Variants in CHL1 observed in about 807,000 individuals in gnomAD.
CHL1 encodes cell adhesion molecule L1 like.
CHL1 carries 96 observed loss-of-function variants against 141.9 expected under a neutral mutation model. That is an observed-to-expected ratio of 0.68 (90% confidence interval 0.57 to 0.80). The LOEUF is 0.80. Among genes scored for constraint, CHL1 ranks in the 30% least tolerant of loss-of-function variants. The pLI is 0.00. For missense variants in CHL1, 1,820 were observed against 1,457.2 expected, an observed-to-expected ratio of 1.25 and a Z score of -4.05; for synonymous variants, 613 against 502.2, an observed-to-expected ratio of 1.22 and a Z score of -2.95.
chr3:256,804 A>T (rs1694220197), intron 2 of CHL1, among the ~76,000 whole-genome samples: 1 of 152,170 alleles, frequency 6.6e-6, no homozygotes, highest in Non-Finnish European at 1.5e-5. Flanking sequence ...AGCATGCAGT[A>T]GTTGCTAAAT....
chr3:198,566 G>A (rs1004122112), intron 1 of CHL1, among the ~76,000 whole-genome samples: 8 of 152,122 alleles, frequency 5.3e-5, no homozygotes, highest in Non-Finnish European at 8.8e-5. Context: ...GGAGATTATC[G>A]ATACCCTCTA....
chr3:392,262 A>T (rs1056605511), intron 23 of CHL1, among the ~76,000 whole-genome samples: 8 of 152,198 alleles, frequency 5.3e-5, no homozygotes, highest in Non-Finnish European at 2.9e-5. Context: ...TGTGATGGAG[A>T]TTCAAAGCAT....
Position 326,026 on chromosome 3 carries a change from T to A in CHL1, c.159T>A (p.Phe53Leu). 1 of 1,611,608 alleles carries A rather than the reference T, an allele frequency of 6.2e-7. No homozygotes were observed. Among genetic ancestry groups the A allele is most frequent in the Non-Finnish European group, 8.5e-7 (1 of 1,178,460 alleles). Residue 53 changes from phenylalanine (F) to leucine (L), a missense_variant, in exon 4 of 28, where the codon TTT (phenylalanine) becomes TTA (leucine). Physicochemically the swap from Phe to Leu is conservative, Grantham distance 22. Coordinates refer to ENST00000256509, the MANE Select transcript of CHL1 (RefSeq NM_006614.4). ...VQVAFPFDEY[F>L]QIECEAKGNP... The stretch of plus-strand genomic sequence containing the variant: ...TTGCCTTTCCCTTCGATGAGTATTT[T>A]CAAATTGAATGTGAAGCTAAAGGAA...
intron 2 of CHL1, among the ~76,000 whole-genome samples, chr3:287,572 T>C (rs947182039): frequency 3.3e-5 from 5 of 152,226 alleles, no homozygotes; most frequent in South Asian, 2.1e-4. Context: ...AGATAATAAA[T>C]GCCAGTCTTT....
chr3:268,999 T>G (rs958150662), intron 2 of CHL1, among the ~76,000 whole-genome samples: 5 of 152,202 alleles, frequency 3.3e-5, no homozygotes, highest in Non-Finnish European at 7.3e-5. Flanking sequence ...GCTCTCAAAT[T>G]GGTAACTAGA....
At chr3:313,742 T>C (rs1699934914) in intron 2 of CHL1, among the ~76,000 whole-genome samples, 1 of 152,228 alleles carries the variant, frequency 6.6e-6, no homozygotes, top group Non-Finnish European at 1.5e-5. Flanking sequence ...TGCCTTTCTA[T>C]GCTTTATTAT....
At position 293,417 on chromosome 3, in the gene CHL1, C is replaced by T. The variant is rs934342546; in HGVS notation, c.-94-26266C>T. ...ACTCTGGAGGCTGTAGCACAAGAAT[C>T]GCTTCAACCGGGGAGGTGAAGGTTG... On this transcript the variant is annotated intron_variant, in intron 2 of 27. Transcript: ENST00000256509. Among the ~76,000 whole-genome samples the T allele has an allele frequency of 2.0e-5, 3 of 152,062 alleles. 1 individual carries two copies. The highest frequency in any genetic ancestry group is 4.8e-5 in the African/African-American group (2 of 41,384).
chr3:278,086 T>C (rs1696315711), intron 2 of CHL1, among the ~76,000 whole-genome samples: 1 of 152,180 alleles, frequency 6.6e-6, no homozygotes, highest in South Asian at 2.1e-4. Context: ...GAAACTTTGT[T>C]CCAGTTCAAG....
At chr3:220,032 G>A (rs1274087907) in intron 1 of CHL1, among the ~76,000 whole-genome samples, 2 of 152,074 alleles carry the variant, frequency 1.3e-5, no homozygotes, top group African/African-American at 2.4e-5. Context: ...CAAAATAAAT[G>A]ACTCTTAAAA....
At chr3:225,987 A>C (rs974061191) in intron 1 of CHL1, among the ~76,000 whole-genome samples, 3 of 150,714 alleles carry the variant, frequency 2.0e-5, no homozygotes, top group Non-Finnish European at 3.0e-5. Context: ...TCAGCCCGGG[A>C]GACAGAATGA....
chr3:364,029 T>G (rs1026179621), intron 14 of CHL1: 1 of 152,148 alleles, frequency 6.6e-6, no homozygotes, highest in African/African-American at 2.4e-5. Context: ...TCCACCTAGA[T>G]AAGGGAGAGC....
chr3:211,014 A>C (rs888909885), intron 1 of CHL1, among the ~76,000 whole-genome samples: 1 of 152,290 alleles, frequency 6.6e-6, no homozygotes, highest in Admixed American at 6.5e-5. Flanking sequence ...CCTCTGATCT[A>C]TTTAGGTTTA....
At chr3:391,186 G>C in intron 22 of CHL1, 27 bp downstream of exon 22, 1 of 1,538,154 alleles carries the variant, frequency 6.5e-7, no homozygotes, top group Non-Finnish European at 9.0e-7. Flanking sequence ...GTAGAGTCAT[G>C]TCAAAAATGG....
At chr3:252,804 T>A (rs1362489213) in intron 2 of CHL1, among the ~76,000 whole-genome samples, 1 of 152,124 alleles carries the variant, frequency 6.6e-6, no homozygotes, top group Non-Finnish European at 1.5e-5. Context: ...TCCATTTGTT[T>A]CTTATAATAT....
intron 5 of CHL1, among the ~76,000 whole-genome samples, chr3:334,798 T>A (rs1165327763): frequency 6.6e-6 from 1 of 152,320 alleles, no homozygotes; most frequent in East Asian, 1.9e-4. Flanking sequence ...AATTGTCATA[T>A]GTATTAATTA....
chr3:232,999 T>C (rs1168309448), intron 1 of CHL1, among the ~76,000 whole-genome samples: 2 of 151,952 alleles, frequency 1.3e-5, no homozygotes, highest in African/African-American at 4.8e-5. Flanking sequence ...GGTCCTTTCT[T>C]TCCTCCTTTT....
At chr3:270,553 G>A (rs1416380857) in intron 2 of CHL1, among the ~76,000 whole-genome samples, 1 of 152,154 alleles carries the variant, frequency 6.6e-6, no homozygotes, top group African/African-American at 2.4e-5. Context: ...TGTTTTTGAA[G>A]TTTCCGTTGA....
intron 1 of CHL1, among the ~76,000 whole-genome samples, chr3:241,531 T>C (rs192023226): frequency 3.9e-5 from 6 of 152,176 alleles, no homozygotes; most frequent in Admixed American, 2.6e-4. Flanking sequence ...CAGTTTTTAC[T>C]GTATCTTGCT....
chr3:338,740 G>C (rs904801705), intron 5 of CHL1, among the ~76,000 whole-genome samples: 22 of 152,108 alleles, frequency 1.4e-4, no homozygotes, highest in Non-Finnish European at 2.6e-4. Context: ...TAGCAGTTTT[G>C]GTAGAGTTAT....
Sources: allele counts gnomAD v4.1 joint callset (sites outside exome capture counted in the v4.1 genomes callset), GRCh38; gene constraint gnomAD v4.1.1; transcripts MANE v1.5; gene names NCBI Gene and HGNC (gene_info 2026-07-23, HGNC 2026-07-21).